RBFOX1: variants seen among roughly 807,000 people sequenced by gnomAD.
The protein encoded by RBFOX1 is RNA binding fox-1 homolog 1.
In RBFOX1, 8 loss-of-function variants were observed where a neutral mutation model predicts 57.7. That is an observed-to-expected ratio of 0.14 (90% CI 0.08 to 0.25). The LOEUF (loss-of-function observed/expected upper bound fraction) is 0.25, where lower values mean the gene tolerates loss of function less well. RBFOX1 is among the 10% of genes least tolerant of loss of function. RBFOX1 has a pLI of 1.00. For missense variants in RBFOX1, 611 were observed against 548.5 expected, an observed-to-expected ratio of 1.11 and a Z score of -1.14; for synonymous variants, 326 against 222.4, an observed-to-expected ratio of 1.47 and a Z score of -4.15.
intron 5 of RBFOX1, among the ~76,000 whole-genome samples, chr16:7,568,491 T>C (rs1428508937): frequency 6.6e-6 from 1 of 152,156 alleles, no homozygotes; most frequent in Non-Finnish European, 1.5e-5. Flanking sequence ...CGTTGCCATC[T>C]TGGTTTCGGT....
intron 4 of RBFOX1, among the ~76,000 whole-genome samples, chr16:7,076,563 A>AT (rs2058335907): frequency 6.6e-6 from 1 of 152,228 alleles, no homozygotes; most frequent in Non-Finnish European, 1.5e-5. Flanking sequence ...CACCTGTGGG[A>AT]TGCCTGCAGA....
At chr16:7,380,234 G>C (rs1457528892) in intron 4 of RBFOX1, among the ~76,000 whole-genome samples, 1 of 152,100 alleles carries the variant, frequency 6.6e-6, no homozygotes, top group Non-Finnish European at 1.5e-5. Context: ...AATGCTCAGA[G>C]TTTAGAAAAT....
At chr16:6,753,206 G>A (rs2075248927) in intron 3 of RBFOX1, among the ~76,000 whole-genome samples, 1 of 152,126 alleles carries the variant, frequency 6.6e-6, no homozygotes, top group African/African-American at 2.4e-5. Context: ...TTGCAGAGAG[G>A]GATGGACAGA....
At chr16:6,808,333 A>G (rs1473901536) in intron 3 of RBFOX1, among the ~76,000 whole-genome samples, 2 of 151,822 alleles carry the variant, frequency 1.3e-5, no homozygotes, top group African/African-American at 2.4e-5. Context: ...TTCCCATCTG[A>G]TTATGCCTAC....
chr16:6,245,243 G>A (rs1483417439), intron 1 of RBFOX1, among the ~76,000 whole-genome samples: 3 of 152,050 alleles, frequency 2.0e-5, no homozygotes, highest in Non-Finnish European at 4.4e-5. Context: ...AGAAATGATG[G>A]CTTTAAATTT....
chr16:5,652,568 A>G (rs577227042), intron 3 of RBFOX1, among the ~76,000 whole-genome samples: 1 of 152,184 alleles, frequency 6.6e-6, no homozygotes, highest in South Asian at 2.1e-4. Context: ...AGGCCATACC[A>G]TCCAGACCTC....
intron 11 of RBFOX1, among the ~76,000 whole-genome samples, chr16:7,646,352 G>A (rs1297164582): frequency 2.6e-5 from 4 of 152,220 alleles, no homozygotes; most frequent in African/African-American, 9.6e-5. Flanking sequence ...GTTCCCCCAA[G>A]GGGAATCCTG....
chr16:5,255,290 G>C (rs2062556088), intron 1 of RBFOX1, among the ~76,000 whole-genome samples: 1 of 147,808 alleles, frequency 6.8e-6, no homozygotes, highest in African/African-American at 2.4e-5. Flanking sequence ...AAGTCCACCT[G>C]CTCATCTGTC....
chr16:5,809,604 G>A (rs1315371504), intron 3 of RBFOX1, among the ~76,000 whole-genome samples: 1 of 152,182 alleles, frequency 6.6e-6, no homozygotes, highest in Admixed American at 6.5e-5. Flanking sequence ...TCAGAGAAAT[G>A]CAAATCAAAA....
In RBFOX1 at chr16:6,272,178, G is replaced by C. The variant is rs111372432; in HGVS notation, c.-126-44817G>C. ...ATCAATGTAATCTACCCTACCAATA[G>C]GCTGAAGAGAAAAATCATTCACCGA... On this transcript the variant is annotated intron_variant, in intron 1 of 15. Transcript: ENST00000550418. 5.3e-3 allele frequency among the ~76,000 whole-genome samples: 808 copies of C among 151,948 alleles called. 7 individuals are homozygous for C. The highest frequency in any genetic ancestry group is 0.018 in the African/African-American group (744 of 41,446).
chr16:7,672,865 CAAAAAAAAAAAA>C (rs56693228), intron 13 of RBFOX1, among the ~76,000 whole-genome samples: 1 of 42,890 alleles, frequency 2.3e-5, no homozygotes, highest in Non-Finnish European at 3.4e-5. Context: ...GACTCCATCT[CAAAAAAAAAAAA>C]AAAAAAAAAA....
intron 4 of RBFOX1, among the ~76,000 whole-genome samples, chr16:7,210,296 C>T (rs969341342): frequency 6.6e-6 from 1 of 152,080 alleles, no homozygotes; most frequent in Admixed American, 6.5e-5. Flanking sequence ...ATGGGCCAGG[C>T]CATCAGGAAG....
At chr16:6,394,610 T>C (rs915141280) in intron 2 of RBFOX1, among the ~76,000 whole-genome samples, 2 of 151,818 alleles carry the variant, frequency 1.3e-5, no homozygotes, top group South Asian at 2.1e-4. Context: ...GTAACTTTCC[T>C]GGATAAACAA....
chr16:6,734,792 T>G (rs1167868353), intron 3 of RBFOX1, among the ~76,000 whole-genome samples: 1 of 152,188 alleles, frequency 6.6e-6, no homozygotes, highest in East Asian at 1.9e-4. Flanking sequence ...TTAAGATTTG[T>G]GGAAAATATT....
intron 4 of RBFOX1, among the ~76,000 whole-genome samples, chr16:7,296,907 C>G (rs541628021): frequency 3.3e-4 from 50 of 152,184 alleles, no homozygotes; most frequent in Non-Finnish European, 5.9e-4. Context: ...TCCTGTGTTT[C>G]TGTTTACCCT....
intron 1 of RBFOX1, among the ~76,000 whole-genome samples, chr16:6,071,208 C>A (rs1007120029): frequency 6.6e-6 from 1 of 152,108 alleles, no homozygotes; most frequent in Non-Finnish European, 1.5e-5. Flanking sequence ...GTAGGACCAG[C>A]TGCTTGGGAG....
intron 3 of RBFOX1, among the ~76,000 whole-genome samples, chr16:6,996,331 C>T (rs1008183011): frequency 6.6e-5 from 10 of 152,054 alleles, no homozygotes; most frequent in Admixed American, 2.6e-4. Flanking sequence ...ATTTGATATT[C>T]GGACAGCTCT....
At chr16:6,128,028 G>A (rs944912078) in intron 1 of RBFOX1, among the ~76,000 whole-genome samples, 1 of 152,110 alleles carries the variant, frequency 6.6e-6, no homozygotes, top group Non-Finnish European at 1.5e-5. Context: ...GAGCTGTGCT[G>A]TGAAGTCACT....
intron 3 of RBFOX1, among the ~76,000 whole-genome samples, chr16:6,869,435 C>G (rs1474233081): frequency 1.3e-5 from 2 of 150,162 alleles, no homozygotes; most frequent in Admixed American, 6.6e-5. Flanking sequence ...TGGTATCTGT[C>G]TTGTATTAGG....
Sources: allele counts gnomAD v4.1 joint callset (sites outside exome capture counted in the v4.1 genomes callset), GRCh38; gene constraint gnomAD v4.1.1; transcripts MANE v1.5; gene names NCBI Gene and HGNC (gene_info 2026-07-23, HGNC 2026-07-21).